Variants in CERT1 observed in about 807,000 individuals in gnomAD.
CERT1 encodes ceramide transporter 1.
Under a neutral mutation model 87.9 loss-of-function variants are expected in CERT1, and 31 were observed. That is an observed-to-expected ratio of 0.35 (90% CI 0.27 to 0.48). CERT1 has a LOEUF of 0.48. CERT1 is among the 20% of genes least tolerant of loss of function. The probability of loss-of-function intolerance (pLI) is 0.99; values close to 1 mark genes in which losing one functional copy is unlikely to be tolerated. For synonymous variants in CERT1, 289 were observed against 250.9 expected (o/e 1.15, Z -1.44); for missense variants, 487 against 758.0 (o/e 0.64, Z 4.20).
At chr5:75,374,480 G>C (rs1761210022), downstream of CERT1, 5 of 723,352 alleles carry the variant, frequency 6.9e-6, no homozygotes, top group South Asian at 6.8e-5. Flanking sequence ...AGAAAAGAAG[G>C]AACAATGGTT....
chr5:75,427,773 T>C (rs1322289745), intron 3 of CERT1, among the ~76,000 whole-genome samples: 4 of 152,202 alleles, frequency 2.6e-5, no homozygotes, highest in African/African-American at 7.2e-5. Flanking sequence ...TTCATTTGAA[T>C]GGTGAAAACA....
chr5:75,378,670 G>T lies in CERT1; in HGVS notation c.*676C>A, dbSNP rs1168362861. 1 of 152,100 alleles carries T rather than the reference G, an allele frequency of 6.6e-6. No homozygotes were observed. Among genetic ancestry groups the T allele is most frequent in the East Asian group, 1.9e-4 (1 of 5,198 alleles). The allele number at this position is 152,100 out of a possible 1,614,324, so 9.4% of individuals were successfully genotyped here. ...TATAAAACAAGAATTTTGTATAATA[G>T]TAAGTATAAACATTTTAACATTCAA... On this transcript the variant is annotated 3_prime_UTR_variant, in exon 17 of 17. Transcript: ENST00000643780.
At chr5:75,434,205 T>C in intron 3 of CERT1, among the ~76,000 whole-genome samples, 1 of 150,614 alleles carries the variant, frequency 6.6e-6, no homozygotes, top group East Asian at 2.0e-4. Context: ...TTTTTTTTTT[T>C]ATCATGAAGG....
intron 3 of CERT1, among the ~76,000 whole-genome samples, chr5:75,426,953 T>C (rs369948768): frequency 1.3e-5 from 2 of 152,332 alleles, no homozygotes; most frequent in Admixed American, 6.5e-5. Context: ...TCTCACCCAT[T>C]CTTAACACAT....
rs534117773 is a variant in CERT1 at position 75,382,083 on chromosome 5, G to A, written c.1489-6C>T. On this transcript the variant is annotated splice_region_variant and splice_polypyrimidine_tract_variant and intron_variant, in intron 14 of 16. Coordinates refer to ENST00000643780, the MANE Select transcript of CERT1 (RefSeq NM_001379029.1). ...TGAGAAGCAGGCCACACCCTCTGTG[G>A]AGAAGTAAAAATCTTTTGAAAAACA... is the stretch of plus-strand genomic sequence containing the variant. The A allele has an allele frequency of 1.7e-4, 271 of 1,609,122 alleles. No individual in the cohort carries two copies. The East Asian group carries it at 4.8e-3, about 29-fold the overall frequency.
At chr5:75,502,607 T>TA (rs1436803088) in intron 2 of CERT1, among the ~76,000 whole-genome samples, 1 of 152,088 alleles carries the variant, frequency 6.6e-6, no homozygotes, top group Non-Finnish European at 1.5e-5. Flanking sequence ...TTATGAAAGA[T>TA]ATAAACAAAT....
At chr5:75,370,952 CA>C (rs373729532) in intron 17 of CERT1, 30,685 of 97,362 alleles carry the variant, frequency 0.32, 3,515 homozygotes, top group African/African-American at 0.43. Context: ...ACTCTGTCTC[CA>C]AAAAAAAAAA....
At chr5:75,399,022 C>T (rs1762366619) in intron 11 of CERT1, among the ~76,000 whole-genome samples, 1 of 152,164 alleles carries the variant, frequency 6.6e-6, no homozygotes, top group African/African-American at 2.4e-5. Flanking sequence ...ACAGATATTA[C>T]ATGATATACA....
At chr5:75,398,104 AT>A (rs1187071826) in intron 11 of CERT1, among the ~76,000 whole-genome samples, 2 of 152,210 alleles carry the variant, frequency 1.3e-5, no homozygotes, top group Non-Finnish European at 2.9e-5. Context: ...GTTATGGATG[AT>A]TTCTGATCCA....
intron 6 of CERT1, among the ~76,000 whole-genome samples, chr5:75,417,593 T>C (rs1315781005): frequency 2.0e-5 from 3 of 152,184 alleles, no homozygotes; most frequent in Admixed American, 2.0e-4. Context: ...GAAATCATAA[T>C]ATTCTATAGT....
intron 14 of CERT1, among the ~76,000 whole-genome samples, chr5:75,384,022 A>C (rs1462720193): frequency 6.6e-6 from 1 of 152,072 alleles, no homozygotes; most frequent in African/African-American, 2.4e-5. Context: ...ACGCTCTGTG[A>C]TTTTTCTTTG....
At chr5:75,436,894 A>G (rs1764119932) in intron 3 of CERT1, among the ~76,000 whole-genome samples, 1 of 152,132 alleles carries the variant, frequency 6.6e-6, no homozygotes, top group Non-Finnish European at 1.5e-5. Context: ...TCAGCCTCCC[A>G]AGTATGCTGC....
At chr5:75,466,917 G>T (rs558992370) in intron 2 of CERT1, among the ~76,000 whole-genome samples, 1 of 152,224 alleles carries the variant, frequency 6.6e-6, no homozygotes, top group South Asian at 2.1e-4. Context: ...AACACTTTCT[G>T]CTAAAATATC....
In CERT1 at chr5:75,505,793, T is replaced by G. The variant is rs1312162223; in HGVS notation, c.231+189A>C. The G allele has an allele frequency of 9.6e-6, 4 of 414,644 alleles. No individual in the cohort carries two copies. The East Asian group carries it at 1.2e-4, about 12-fold the overall frequency. The allele number at this position is 414,644 out of a possible 1,614,324, so 25.7% of individuals were successfully genotyped here. A position where few individuals can be genotyped will look rare whatever the true frequency, so the allele number is the denominator to read the frequency against. Reference sequence around the variant, plus strand: ...CCACCAGATAAAAACTACATGTCTATGCAAAATAACAATATGTAGTAAAAA... The same window carrying G: ...CCACCAGATAAAAACTACATGTCTAGGCAAAATAACAATATGTAGTAAAAA... On this transcript the variant is annotated intron_variant, in intron 2 of 16. Coordinates refer to ENST00000643780, the MANE Select transcript of CERT1 (RefSeq NM_001379029.1).
At chr5:75,374,256 C>A (rs900702227), downstream of CERT1, 10 of 408,244 alleles carry the variant, frequency 2.4e-5, no homozygotes, top group Non-Finnish European at 4.3e-5. Flanking sequence ...CTACGAACAG[C>A]TGCAAGACTA....
chr5:75,508,587 T>C (rs896725345), intron 1 of CERT1, among the ~76,000 whole-genome samples: 3 of 152,150 alleles, frequency 2.0e-5, no homozygotes, highest in Non-Finnish European at 4.4e-5. Flanking sequence ...CTCTTCCCCA[T>C]TTAACAAATA....
chr5:75,481,425 GT>G lies in CERT1; in HGVS notation c.232-22245del, dbSNP rs1766240138. ...AATTATACGGTGCACCTTAAATTTA[GT>G]GGCATCAAACTAATTAAAATACGGT... On this transcript the variant is annotated intron_variant, in intron 2 of 16. Transcript: ENST00000643780. Among the ~76,000 whole-genome samples the G allele has an allele frequency of 5.3e-5, 8 of 152,142 alleles. No homozygotes were observed. The South Asian group carries it at 1.7e-3, about 32-fold the overall frequency.
intron 8 of CERT1, among the ~76,000 whole-genome samples, chr5:75,407,892 T>A (rs1470932167): frequency 1.3e-5 from 2 of 150,134 alleles, no homozygotes; most frequent in South Asian, 2.1e-4. Context: ...GTTTTTTTTT[T>A]ATTATGGTAA....
At chr5:75,492,291 A>G (rs375309952) in intron 2 of CERT1, among the ~76,000 whole-genome samples, 1 of 152,290 alleles carries the variant, frequency 6.6e-6, no homozygotes, top group East Asian at 1.9e-4. Context: ...TGAGCCCAGG[A>G]GGTCAAGGTG....
Sources: gnomAD v4.1 joint callset for allele counts (sites outside exome capture counted in the v4.1 genomes callset) on GRCh38, gnomAD v4.1.1 for gene constraint, MANE v1.5 for transcripts, NCBI Gene and HGNC (gene_info 2026-07-23, HGNC 2026-07-21) for gene names.